Variants in CNTNAP2 observed in about 807,000 individuals in gnomAD.
CNTNAP2 encodes the protein contactin associated protein 2.
A neutral mutation model predicts 155.2 loss-of-function variants in CNTNAP2; 98 were observed. That is an observed-to-expected ratio of 0.63 (90% CI 0.54 to 0.75). CNTNAP2 has a LOEUF of 0.75. Among genes scored for constraint, CNTNAP2 ranks in the 30% least tolerant of loss-of-function variants. The pLI, the probability that CNTNAP2 is intolerant of heterozygous loss-of-function variation, is 0.00. For missense variants in CNTNAP2, 1,727 were observed against 1,688.1 expected (o/e 1.02, Z -0.40); for synonymous variants, 651 against 631.2 (o/e 1.03, Z -0.47).
intron 8 of CNTNAP2, among the ~76,000 whole-genome samples, chr7:147,285,557 CATT>C (rs1460483505): frequency 5.9e-5 from 9 of 151,854 alleles, no homozygotes; most frequent in African/African-American, 1.4e-4. Flanking sequence ...TCTAAATTGT[CATT>C]ATTTTCATTT....
chr7:147,732,181 T>TGCCCCCCCCCC, intron 13 of CNTNAP2, among the ~76,000 whole-genome samples: 1 of 108,578 alleles, frequency 9.2e-6, no homozygotes, highest in Non-Finnish European at 1.7e-5. Context: ...ATGCTATCCC[T>TGCCCCCCCCCC]CCCCCCCCCA....
intron 8 of CNTNAP2, among the ~76,000 whole-genome samples, chr7:147,220,808 A>G (rs1803379986): frequency 6.6e-6 from 1 of 151,900 alleles, no homozygotes; most frequent in African/African-American, 2.4e-5. Flanking sequence ...CCACCTCCCA[A>G]GTTCCAGTGA....
At chr7:147,870,944 C>A (rs1454380222) in intron 13 of CNTNAP2, among the ~76,000 whole-genome samples, 1 of 152,020 alleles carries the variant, frequency 6.6e-6, no homozygotes, top group Non-Finnish European at 1.5e-5. Context: ...CTCCCCCTAC[C>A]CTCAACTATT....
intron 13 of CNTNAP2, among the ~76,000 whole-genome samples, chr7:147,789,304 C>A (rs189527000): frequency 1.6e-4 from 24 of 152,304 alleles, no homozygotes; most frequent in Admixed American, 1.6e-3. Context: ...AAACCACAAA[C>A]AACCTTTCAC....
chr7:146,483,329 A>ATG (rs1211403922), intron 1 of CNTNAP2, among the ~76,000 whole-genome samples: 71 of 84,574 alleles, frequency 8.4e-4, no homozygotes, highest in Non-Finnish European at 1.2e-3. Context: ...ATATATATAT[A>ATG]CATATATATA....
intron 22 of CNTNAP2, among the ~76,000 whole-genome samples, chr7:148,397,579 A>G (rs1396784241): frequency 6.6e-6 from 1 of 152,192 alleles, no homozygotes; most frequent in Non-Finnish European, 1.5e-5. Context: ...CTGCTACTAA[A>G]TACACTTTGC....
intron 1 of CNTNAP2, among the ~76,000 whole-genome samples, chr7:146,436,250 A>T (rs1724493): frequency 0.036 from 5,432 of 152,246 alleles, 345 homozygotes; most frequent in African/African-American, 0.12. Context: ...AAAAATCTTC[A>T]TTCCCCATAC....
intron 17 of CNTNAP2, among the ~76,000 whole-genome samples, chr7:148,153,020 CAAAAAAA>C (rs373499312): frequency 4.8e-3 from 108 of 22,680 alleles, no homozygotes; most frequent in African/African-American, 0.016. Context: ...GACTCCGTCT[CAAAAAAA>C]AAAAAAAAAA....
intron 13 of CNTNAP2, among the ~76,000 whole-genome samples, chr7:147,669,293 C>A (rs1795748941): frequency 6.6e-6 from 1 of 152,094 alleles, no homozygotes; most frequent in African/African-American, 2.4e-5. Context: ...ACTTTCAAAA[C>A]AAATAAATAC....
At chr7:147,576,818 T>G (rs934255508) in intron 12 of CNTNAP2, among the ~76,000 whole-genome samples, 1 of 152,076 alleles carries the variant, frequency 6.6e-6, no homozygotes, top group Non-Finnish European at 1.5e-5. Flanking sequence ...GGGTAGTATC[T>G]ACCTCTAAAA....
At chr7:147,805,699 C>G (rs1052611474) in intron 13 of CNTNAP2, among the ~76,000 whole-genome samples, 6 of 152,058 alleles carry the variant, frequency 3.9e-5, no homozygotes, top group African/African-American at 1.4e-4. Context: ...GGTTTTTGTC[C>G]TTCATTCTAT....
At chr7:146,951,669 C>A (rs2129228032) in intron 3 of CNTNAP2, among the ~76,000 whole-genome samples, 1 of 152,188 alleles carries the variant, frequency 6.6e-6, no homozygotes, top group Non-Finnish European at 1.5e-5. Context: ...GTTTTGTTAC[C>A]AGTACCATGC....
intron 10 of CNTNAP2, among the ~76,000 whole-genome samples, chr7:147,466,578 G>C (rs1335526305): frequency 6.6e-6 from 1 of 152,110 alleles, no homozygotes; most frequent in Non-Finnish European, 1.5e-5. Context: ...TGCCACTGAG[G>C]CCTTCATTTG....
At chr7:147,295,897 C>A (rs1454521299) in intron 8 of CNTNAP2, among the ~76,000 whole-genome samples, 14 of 152,180 alleles carry the variant, frequency 9.2e-5, no homozygotes, top group Admixed American at 1.3e-4. Flanking sequence ...CAGCAAGGAT[C>A]CTTTAATCTG....
chr7:147,095,129 C>T (rs1409854598), intron 4 of CNTNAP2, among the ~76,000 whole-genome samples: 1 of 151,994 alleles, frequency 6.6e-6, no homozygotes, highest in Non-Finnish European at 1.5e-5. Flanking sequence ...AAGCGATTCT[C>T]CTGCCTGAGC....
chr7:148,301,668 A>G lies in CNTNAP2; in HGVS notation c.3475+34542A>G, dbSNP rs146224992. ...AAATCTGGAGGACAGCTTTGTGGAG[A>G]TAGAACTGGACCATGCCCACTTCAA... is the stretch of plus-strand genomic sequence containing the variant. On this transcript the variant is annotated intron_variant, in intron 21 of 23. Coordinates refer to ENST00000361727, the MANE Select transcript of CNTNAP2 (RefSeq NM_014141.6). Among the ~76,000 whole-genome samples, 11 of 152,328 alleles carry G rather than the reference A, an allele frequency of 7.2e-5. No individual in the cohort carries two copies. In the East Asian group the frequency reaches 2.1e-3, roughly 29 times the overall value.
At chr7:147,305,858 C>T (rs1795016365) in intron 9 of CNTNAP2, among the ~76,000 whole-genome samples, 1 of 152,108 alleles carries the variant, frequency 6.6e-6, no homozygotes, top group African/African-American at 2.4e-5. Context: ...CTGAAGGCCC[C>T]AGGGGAGGAT....
intron 1 of CNTNAP2, among the ~76,000 whole-genome samples, chr7:146,467,151 T>C (rs906463176): frequency 2.6e-5 from 4 of 152,284 alleles, no homozygotes; most frequent in South Asian, 2.1e-4. Flanking sequence ...AACTCTATCA[T>C]ATTTGAAAAT....
intron 12 of CNTNAP2, among the ~76,000 whole-genome samples, chr7:147,596,280 C>G (rs1164865888): frequency 1.3e-5 from 2 of 152,118 alleles, no homozygotes; most frequent in African/African-American, 4.8e-5. Flanking sequence ...ATCCAACCCA[C>G]CAATAACTTC....
Sources: allele counts gnomAD v4.1 joint callset (sites outside exome capture counted in the v4.1 genomes callset), GRCh38; gene constraint gnomAD v4.1.1; transcripts MANE v1.5; gene names NCBI Gene and HGNC (gene_info 2026-07-23, HGNC 2026-07-21).